The following ERC2 variants were observed in gnomAD, a reference collection of about 807,000 sequenced individuals.
The protein encoded by ERC2 is ELKS/RAB6-interacting/CAST family member 2, also known as ERC protein 2.
Under a neutral mutation model 114.8 loss-of-function variants are expected in ERC2, and 42 were observed. The observed-to-expected ratio is 0.37, with a 90% CI of 0.29 to 0.47. The LOEUF is 0.47. Ranked by LOEUF, ERC2 falls within the 20% of genes least tolerant of loss-of-function variation. ERC2 has a pLI of 0.99. For missense variants in ERC2, 939 were observed against 1,150.7 expected (o/e 0.82, Z 2.66); for synonymous variants, 454 against 425.5 (o/e 1.07, Z -0.82).
At chr3:55,696,414 A>C (rs1427294340) in intron 16 of ERC2, among the ~76,000 whole-genome samples, 1 of 152,226 alleles carries the variant, frequency 6.6e-6, no homozygotes, top group African/African-American at 2.4e-5. Context: ...GAATCCCTGA[A>C]AGAGACCTTT....
chr3:56,149,843 T>C (rs1426582143), intron 4 of ERC2, among the ~76,000 whole-genome samples: 1 of 152,148 alleles, frequency 6.6e-6, no homozygotes, highest in Non-Finnish European at 1.5e-5. Context: ...CTAGAAATAT[T>C]ACACTCAGAT....
At chr3:56,250,699 A>G (rs2052085883) in intron 3 of ERC2, among the ~76,000 whole-genome samples, 1 of 152,232 alleles carries the variant, frequency 6.6e-6, no homozygotes, top group South Asian at 2.1e-4. Flanking sequence ...ATAAAAAGGC[A>G]TACATTTCTA....
intron 7 of ERC2, among the ~76,000 whole-genome samples, chr3:56,071,400 G>A (rs947269802): frequency 1.1e-4 from 16 of 152,220 alleles, no homozygotes; most frequent in Non-Finnish European, 1.9e-4. Flanking sequence ...TATCTTGAGT[G>A]GAGAAATGAA....
intron 6 of ERC2, among the ~76,000 whole-genome samples, chr3:56,135,430 C>G (rs2080449703): frequency 6.6e-6 from 1 of 152,126 alleles, no homozygotes; most frequent in Non-Finnish European, 1.5e-5. Context: ...AAACACAGAA[C>G]AGATGTGAAG....
At chr3:55,808,995 T>C (rs2059611653) in intron 14 of ERC2, among the ~76,000 whole-genome samples, 1 of 151,774 alleles carries the variant, frequency 6.6e-6, no homozygotes, top group Non-Finnish European at 1.5e-5. Context: ...AAGTAAGATA[T>C]TTATACCTGG....
intron 14 of ERC2, among the ~76,000 whole-genome samples, chr3:55,855,316 T>C (rs1399407202): frequency 6.6e-6 from 1 of 152,234 alleles, no homozygotes; most frequent in Non-Finnish European, 1.5e-5. Context: ...CCTCATTCAC[T>C]GATGAAAGGA....
intron 2 of ERC2, among the ~76,000 whole-genome samples, chr3:56,392,661 T>C (rs2060170871): frequency 6.6e-6 from 1 of 152,072 alleles, no homozygotes; most frequent in Non-Finnish European, 1.5e-5. Flanking sequence ...CTATATAGGG[T>C]TAAAATAAAT....
At chr3:56,277,405 A>G (rs1259925081) in intron 3 of ERC2, among the ~76,000 whole-genome samples, 2 of 151,950 alleles carry the variant, frequency 1.3e-5, no homozygotes, top group Non-Finnish European at 2.9e-5. Flanking sequence ...ATGCAAACCC[A>G]TATTTTCAAA....
At chr3:56,319,700 G>A (rs1175379808) in intron 2 of ERC2, among the ~76,000 whole-genome samples, 8 of 152,238 alleles carry the variant, frequency 5.3e-5, no homozygotes, top group South Asian at 2.1e-4. Flanking sequence ...GCCAGGTGCC[G>A]TAGCTCACAC....
At chr3:55,584,223 G>A (rs1237584737) in intron 17 of ERC2, among the ~76,000 whole-genome samples, 1 of 152,182 alleles carries the variant, frequency 6.6e-6, no homozygotes, top group Non-Finnish European at 1.5e-5. Context: ...TTTGAAGCCT[G>A]GGCCTGCCCC....
chr3:56,340,026 G>A (rs1172992616), intron 2 of ERC2, among the ~76,000 whole-genome samples: 1 of 152,120 alleles, frequency 6.6e-6, no homozygotes, highest in African/African-American at 2.4e-5. Flanking sequence ...GTGACATCCT[G>A]ATGCAAATAG....
intron 17 of ERC2, among the ~76,000 whole-genome samples, chr3:55,572,326 G>A (rs1042619984): frequency 2.4e-4 from 37 of 152,306 alleles, no homozygotes; most frequent in Middle Eastern, 3.4e-3. Flanking sequence ...GCCAGCTAGA[G>A]GCACAGGAAC....
At chr3:56,090,943 A>G (rs994340154) in intron 6 of ERC2, among the ~76,000 whole-genome samples, 1 of 152,154 alleles carries the variant, frequency 6.6e-6, no homozygotes, top group Non-Finnish European at 1.5e-5. Flanking sequence ...TCATTGTAGA[A>G]ATGATTGATT....
chr3:55,808,737 AT>A (rs1559689566), intron 14 of ERC2, among the ~76,000 whole-genome samples: 1,735 of 109,474 alleles, frequency 0.016, 35 homozygotes, highest in East Asian at 0.037. Context: ...ATATATATAT[AT>A]ATATAACGTA....
At chr3:56,215,378 GA>G (rs1028321730) in intron 3 of ERC2, among the ~76,000 whole-genome samples, 7 of 152,100 alleles carry the variant, frequency 4.6e-5, no homozygotes, top group African/African-American at 1.4e-4. Context: ...AACCAACAAA[GA>G]TCAAAAGAGA....
chr3:56,378,104 A>C (rs1415074936), intron 2 of ERC2, among the ~76,000 whole-genome samples: 2 of 151,970 alleles, frequency 1.3e-5, no homozygotes, highest in African/African-American at 4.8e-5. Context: ...TCATGCTGCT[A>C]TAAAGACACA....
intron 10 of ERC2, among the ~76,000 whole-genome samples, chr3:56,003,474 C>T (rs996690714): frequency 2.6e-5 from 4 of 152,102 alleles, no homozygotes; most frequent in Non-Finnish European, 5.9e-5. Context: ...AGAAGAAGTA[C>T]TTTTGGCCAA....
chr3:56,406,243 C>T (rs184068276), intron 2 of ERC2, among the ~76,000 whole-genome samples: 2 of 152,228 alleles, frequency 1.3e-5, no homozygotes, highest in African/African-American at 2.4e-5. Flanking sequence ...AATTTCATTC[C>T]GGGTAGTAAG....
chr3:55,827,953 T>C (rs1192082247), intron 14 of ERC2, among the ~76,000 whole-genome samples: 1 of 152,224 alleles, frequency 6.6e-6, no homozygotes, highest in Non-Finnish European at 1.5e-5. Flanking sequence ...ACATCGCCTG[T>C]GTTCAGCACG....
Sources: gnomAD v4.1 joint callset for allele counts (sites outside exome capture counted in the v4.1 genomes callset) on GRCh38, gnomAD v4.1.1 for gene constraint, MANE v1.5 for transcripts, NCBI Gene and HGNC (gene_info 2026-07-23, HGNC 2026-07-21) for gene names.